ZC3H7B: variants seen among roughly 807,000 people sequenced by gnomAD.
The protein encoded by ZC3H7B is zinc finger CCCH domain-containing protein 7B.
In ZC3H7B, 35 loss-of-function variants were observed where a neutral mutation model predicts 116.0. The ratio of observed to expected loss-of-function variants is 0.30; its 90% CI spans 0.23 to 0.40. ZC3H7B has a LOEUF of 0.40. Among genes scored for constraint, ZC3H7B ranks in the 10% least tolerant of loss-of-function variants. The probability of loss-of-function intolerance (pLI) is 1.00; values close to 1 mark genes in which losing one functional copy is unlikely to be tolerated. For synonymous variants in ZC3H7B, 502 were observed against 545.6 expected (o/e 0.92, Z 1.11); for missense variants, 1,011 against 1,321.5 (o/e 0.77, Z 3.64).
Position 41,338,946 on chromosome 22 carries a change from C to T in ZC3H7B, c.626-55C>T, listed in dbSNP as rs2036480297. 2.7e-5 allele frequency: 40 copies of T among 1,477,066 alleles called. 1 individual carries two copies. In the South Asian group the frequency reaches 5.4e-4, roughly 20 times the overall value. The allele number at this position is 1,477,066 out of a possible 1,614,324, so 91.5% of individuals were successfully genotyped here. On this transcript the variant is annotated intron_variant, in intron 8 of 22. Coordinates refer to ENST00000352645, the MANE Select transcript of ZC3H7B (RefSeq NM_017590.6). The surrounding 1 kb of genome is among the most constrained non-coding windows in gnomAD (Gnocchi z 4.5). ...GAGCATCACGGGGCCCGGGACGCCT[C>T]CTCCACCCTCACCAAGCAGTGCTCC...
chr22:41,340,264 G>A, intron 10 of ZC3H7B, 127 bp downstream of exon 10: 1 of 1,012,754 alleles, frequency 9.9e-7, no homozygotes, highest in Non-Finnish European at 1.4e-6. Flanking sequence ...AGCAATCCCA[G>A]GCCATGTCTG....
In ZC3H7B at chr22:41,359,778, T is replaced by C. The variant is rs2036764114; in HGVS notation, c.*2349T>C. 1 of 152,156 alleles carries C rather than the reference T, an allele frequency of 6.6e-6. No homozygotes were observed. Among genetic ancestry groups the C allele is most frequent in the Admixed American group, 6.6e-5 (1 of 15,266 alleles). 9.4% of individuals were successfully genotyped at this position (152,156 alleles called of 1,614,324 possible). On this transcript the variant is annotated 3_prime_UTR_variant, in exon 23 of 23. Transcript: ENST00000352645. ...GGGAGGAGGGACAGGAAGACCCTTTTAATGATGAGGGTAACTATTTCAGTT... is the reference window on the plus strand; with the variant it reads ...GGGAGGAGGGACAGGAAGACCCTTTCAATGATGAGGGTAACTATTTCAGTT...
At chr22:41,316,174 G>A (rs2036181112) in intron 1 of ZC3H7B, among the ~76,000 whole-genome samples, 1 of 151,958 alleles carries the variant, frequency 6.6e-6, no homozygotes, top group Admixed American at 6.6e-5. Context: ...TGTATTTTTA[G>A]TAGAGATGGG....
intron 20 of ZC3H7B, 77 bp from the exon 21 acceptor site, chr22:41,356,266 C>A: frequency 6.3e-7 from 1 of 1,592,174 alleles, no homozygotes; most frequent in Non-Finnish European, 8.6e-7. Context: ...CCACGGCTCC[C>A]AAATCAAGTG....
At chr22:41,350,888 G>A (rs1350883995) in intron 16 of ZC3H7B, among the ~76,000 whole-genome samples, 2 of 152,208 alleles carry the variant, frequency 1.3e-5, no homozygotes, top group African/African-American at 4.8e-5. Context: ...CGTGGAGCAG[G>A]GGCCATAGGT....
chr22:41,329,844 G>A (rs751842149), intron 5 of ZC3H7B, among the ~76,000 whole-genome samples, 179 bp from the exon 6 acceptor site: 1 of 152,190 alleles, frequency 6.6e-6, no homozygotes, highest in Non-Finnish European at 1.5e-5. Context: ...TGGTCCTGGT[G>A]CCACCACTCA....
chr22:41,357,472 G>A lies in ZC3H7B; in HGVS notation c.*43G>A. ...GGGTGAAGTCCTGGGGTCAGGGGGTGGGGTGGGGCCAGAAGGCCTGATAGA... is the reference window on the plus strand; with the variant it reads ...GGGTGAAGTCCTGGGGTCAGGGGGTAGGGTGGGGCCAGAAGGCCTGATAGA... On this transcript the variant is annotated 3_prime_UTR_variant, in exon 23 of 23. Transcript: ENST00000352645. This position sits in a 1 kb window ranked among gnomAD's most constrained non-coding sequence, Gnocchi z 5.4. 6.3e-7 allele frequency: 1 copy of A among 1,598,204 alleles called. No homozygotes were observed.
chr22:41,336,098 T>C (rs975316849), intron 7 of ZC3H7B: 24 of 152,454 alleles, frequency 1.6e-4, no homozygotes, highest in African/African-American at 5.1e-4. Flanking sequence ...GGACTTGAGC[T>C]GGACTGTGAA....
At chr22:41,348,669 T>G (rs1226883183) in intron 15 of ZC3H7B, among the ~76,000 whole-genome samples, 1 of 152,194 alleles carries the variant, frequency 6.6e-6, no homozygotes, top group Non-Finnish European at 1.5e-5. Flanking sequence ...CAGACAGACC[T>G]GGGTCCAATT....
In ZC3H7B at chr22:41,357,300, G is replaced by T. The variant is rs768544455; in HGVS notation, c.2805G>T (p.Lys935Asn). ...AGCAGAAGTTGGCCAAGGCTCGCAA[G>T]GACATGCTGCTGTGCCCACGGGACG... ...VLKQKLAKARKDMLLCPRDDD... is the reference protein window; with the variant it reads ...VLKQKLAKARNDMLLCPRDDD... Residue 935 changes from lysine (K) to asparagine (N), a missense_variant, in exon 23 of 23, where the codon AAG becomes AAT. Physicochemically the swap from Lys to Asn is moderately conservative, Grantham distance 94. Transcript: ENST00000352645. The surrounding 1 kb of genome is among the most constrained non-coding windows in gnomAD (Gnocchi z 5.4). 22 of 1,613,746 alleles carry T rather than the reference G, an allele frequency of 1.4e-5. No individual in the cohort carries two copies. The highest frequency in any genetic ancestry group is 4.0e-5 in the African/African-American group (3 of 74,926).
In ZC3H7B at chr22:41,357,316, C is replaced by T; in HGVS notation, c.2821C>T (p.Pro941Ser). The change falls in exon 23 of 23, where the codon CCA (proline) becomes TCA (serine). Residue 941 changes from proline (P) to serine (S), a missense_variant. Around this residue, in one of 5 missense-constraint regions of ZC3H7B, gnomAD observed 406 missense variants for 590.2 expected, o/e 0.69. Transcript: ENST00000352645. This position sits in a 1 kb window ranked among gnomAD's most constrained non-coding sequence, Gnocchi z 5.4. The stretch of plus-strand genomic sequence containing the variant: ...GGCTCGCAAGGACATGCTGCTGTGC[C>T]CACGGGACGACGACTTTGGCAAATA... ...AKARKDMLLC[P>S]RDDDFGKYNF... is the part of the protein sequence containing the mutation. The T allele has an allele frequency of 1.2e-6, 2 of 1,613,790 alleles. No individual in the cohort carries two copies. Among genetic ancestry groups the T allele is most frequent in the Non-Finnish European group, 1.7e-6 (2 of 1,179,994 alleles).
chr22:41,341,238 G>A, intron 11 of ZC3H7B, 92 bp downstream of exon 11: 1 of 1,478,866 alleles, frequency 6.8e-7, no homozygotes, highest in Non-Finnish European at 9.4e-7. Flanking sequence ...CATGGGGTAA[G>A]GCACTGCATT....
At chr22:41,320,570 C>A in intron 1 of ZC3H7B, 85 bp from the exon 2 acceptor site, 1 of 1,487,764 alleles carries the variant, frequency 6.7e-7, no homozygotes, top group Non-Finnish European at 9.4e-7. Flanking sequence ...GTGAGAGCAC[C>A]CAATCACAGG....
chr22:41,337,868 CTTTT>C (rs1350031585), intron 7 of ZC3H7B, among the ~76,000 whole-genome samples: 1 of 136,352 alleles, frequency 7.3e-6, no homozygotes. Context: ...CGTGTGAGGG[CTTTT>C]TTTTTTTTTT....
intron 12 of ZC3H7B, 69 bp downstream of exon 12, chr22:41,342,697 A>G: frequency 7.1e-7 from 1 of 1,405,236 alleles, no homozygotes. Flanking sequence ...ATGGGATCCC[A>G]GATCAAAAGA....
At chr22:41,311,460 A>G (rs2036118163) in intron 1 of ZC3H7B, among the ~76,000 whole-genome samples, 1 of 152,056 alleles carries the variant, frequency 6.6e-6, no homozygotes, top group African/African-American at 2.4e-5. Flanking sequence ...GGCACCAAAG[A>G]GGACTTTGGA....
rs1054976094 is a variant in ZC3H7B at position 41,302,505 on chromosome 22, C to T, written c.-7+733C>T. On this transcript the variant is annotated intron_variant, in intron 1 of 22. Transcript: ENST00000352645. The surrounding 1 kb of genome is among the most constrained non-coding windows in gnomAD (Gnocchi z 5.7). ...GGGAGTGCTAGGGGGCTGCGGACCC[C>T]GGCTCTGGCGCCTGGGGACGGGGGC... Among the ~76,000 whole-genome samples the T allele has an allele frequency of 2.6e-5, 4 of 152,082 alleles. No individual in the cohort carries two copies. Among genetic ancestry groups the T allele is most frequent in the African/African-American group, 9.7e-5 (4 of 41,422 alleles).
rs191143984 is a variant in ZC3H7B at position 41,332,235 on chromosome 22, C to A, written c.582+8C>A. On this transcript the variant is annotated splice_region_variant and intron_variant, in intron 7 of 22. Transcript: ENST00000352645. ...GCTGGCGTGGCAGATCAGGTAGGAT[C>A]GGGGCTGAACCAACCTGTCTCAGTT... 6.2e-7 allele frequency: 1 copy of A among 1,614,006 alleles called. No individual in the cohort carries two copies. The highest frequency in any genetic ancestry group is 1.3e-5 in the African/African-American group (1 of 74,934).
chr22:41,303,138 C>T (rs187556930), intron 1 of ZC3H7B, among the ~76,000 whole-genome samples: 30 of 152,342 alleles, frequency 2.0e-4, no homozygotes, highest in Non-Finnish European at 4.0e-4. Context: ...CTTCTTTCCC[C>T]GTGTCCACCT....
Sources: allele counts gnomAD v4.1 joint callset (sites outside exome capture counted in the v4.1 genomes callset), GRCh38; gene constraint gnomAD v4.1.1; regional missense constraint gnomAD v4.1.1; non-coding constraint Gnocchi (gnomAD v3.1); transcripts MANE v1.5; gene names NCBI Gene and HGNC (gene_info 2026-07-23, HGNC 2026-07-21).